ITPR1: variants seen among roughly 807,000 people sequenced by gnomAD.
The protein encoded by ITPR1 is inositol 1,4,5-trisphosphate receptor type 1.
A neutral mutation model predicts 318.4 loss-of-function variants in ITPR1; 96 were observed. The ratio of observed to expected loss-of-function variants is 0.30; its 90% confidence interval spans 0.26 to 0.36. The LOEUF (loss-of-function observed/expected upper bound fraction) is 0.36. ITPR1 is among the 10% of genes least tolerant of loss of function. The pLI, the probability that ITPR1 is intolerant of heterozygous loss-of-function variation, is 1.00. For missense variants in ITPR1, 2,440 were observed against 3,460.2 expected (o/e 0.71, Z 7.40); for synonymous variants, 1,312 against 1,289.9 (o/e 1.02, Z -0.37).
intron 33 of ITPR1, 114 bp downstream of exon 33, chr3:4,693,855 G>A: frequency 9.1e-7 from 1 of 1,093,568 alleles, no homozygotes; most frequent in Non-Finnish European, 1.3e-6. Flanking sequence ...GGCTCTGAAA[G>A]CTGCAGCTCA....
At chr3:4,783,138 G>A (rs1479188300) in intron 50 of ITPR1, among the ~76,000 whole-genome samples, 6 of 152,184 alleles carry the variant, frequency 3.9e-5, no homozygotes, top group Non-Finnish European at 8.8e-5. Context: ...AAATCTGTGG[G>A]AACTTGTCCT....
rs752768399 is a variant in ITPR1, at chr3:4,650,605, T to TTGTGTGTGTGTGTGTG, written c.856-1518_856-1517insTGTGTGTGTGTGTGTG. On this transcript the variant is annotated intron_variant, in intron 10 of 61. Transcript: ENST00000649015. Reference sequence around the variant, plus strand: ...ACATTAATCTGATTATGATATGCCTTAGTGTGTGTGTGTGTGTGTGTGTGT... The same window carrying TTGTGTGTGTGTGTGTG: ...ACATTAATCTGATTATGATATGCCTTTGTGTGTGTGTGTGTGAGTGTGTGTGTGTGTGTGTGTGTGT... Among the ~76,000 whole-genome samples the TTGTGTGTGTGTGTGTG allele has an allele frequency of 4.1e-4, 55 of 133,302 alleles. 2 individuals are homozygous for TTGTGTGTGTGTGTGTG. Among genetic ancestry groups the TTGTGTGTGTGTGTGTG allele is most frequent in the Non-Finnish European group, 5.6e-4 (35 of 62,780 alleles). 87.5% of individuals were successfully genotyped at this position (133,302 alleles called of 152,430 possible). A position where few individuals can be genotyped will look rare whatever the true frequency, so the allele number is the denominator to read the frequency against.
intron 44 of ITPR1, among the ~76,000 whole-genome samples, chr3:4,738,082 G>C (rs992028161): frequency 6.6e-6 from 1 of 152,150 alleles, no homozygotes; most frequent in Non-Finnish European, 1.5e-5. Context: ...TCGGAAGGAG[G>C]GAGAGGATGG....
At chr3:4,570,755 A>G (rs2087884445) in intron 4 of ITPR1, among the ~76,000 whole-genome samples, 2 of 152,208 alleles carry the variant, frequency 1.3e-5, no homozygotes, top group Admixed American at 1.3e-4. Flanking sequence ...TTGGGGAGCC[A>G]AGTTGTCCCC....
intron 44 of ITPR1, among the ~76,000 whole-genome samples, chr3:4,757,747 C>T (rs917047765): frequency 2.0e-5 from 3 of 152,180 alleles, no homozygotes; most frequent in Non-Finnish European, 4.4e-5. Context: ...AAGCGCTTAG[C>T]GCCCGGCAAA....
intron 60 of ITPR1, among the ~76,000 whole-genome samples, chr3:4,834,975 G>T (rs559546084): frequency 1.2e-4 from 18 of 152,234 alleles, no homozygotes; most frequent in African/African-American, 4.1e-4. Context: ...TTGTTATTAG[G>T]GTGCATGCAG....
chr3:4,668,450 T>C (rs1279838691), intron 18 of ITPR1, among the ~76,000 whole-genome samples: 1 of 152,008 alleles, frequency 6.6e-6, no homozygotes, highest in Non-Finnish European at 1.5e-5. Context: ...AATGACTGGA[T>C]CTCACTCTTT....
intron 4 of ITPR1, among the ~76,000 whole-genome samples, chr3:4,612,830 T>A (rs2092216700): frequency 6.6e-6 from 1 of 152,308 alleles, no homozygotes; most frequent in South Asian, 2.1e-4. Context: ...GAGGTTGCAG[T>A]GAGCCAAGAT....
At chr3:4,700,232 A>G (rs1055182686) in intron 35 of ITPR1, among the ~76,000 whole-genome samples, 5 of 152,166 alleles carry the variant, frequency 3.3e-5, no homozygotes, top group Non-Finnish European at 7.3e-5. Flanking sequence ...CCTAGAGATA[A>G]CATTTATAAA....
At chr3:4,611,599 A>T (rs1372607579) in intron 4 of ITPR1, among the ~76,000 whole-genome samples, 2 of 151,804 alleles carry the variant, frequency 1.3e-5, no homozygotes, top group African/African-American at 2.4e-5. Context: ...TAAATAAATT[A>T]GCAGGTGTCG....
Position 4,836,785 on chromosome 3 carries a change from T to G in ITPR1, c.8040T>G (p.Leu2680=). The change falls in exon 61 of 62, where the codon CTT becomes CTG. Residue 2680 remains leucine, a synonymous_variant. Coordinates refer to ENST00000649015, the MANE Select transcript of ITPR1 (RefSeq NM_001378452.1). ...AATGTGGATTCTAGGAAAGAAACCT[T>G]GACTGGTTCCCCAGGATGAGAGCCA... ...YVAEMIKERN[L]DWFPRMRAMS... 8.0e-6 allele frequency: 11 copies of G among 1,381,324 alleles called. No homozygotes were observed. The highest frequency in any genetic ancestry group is 1.0e-5 in the Non-Finnish European group (11 of 1,049,786). The allele number at this position is 1,381,324 out of a possible 1,614,324, so 85.6% of individuals were successfully genotyped here. A position where few individuals can be genotyped will look rare whatever the true frequency, so the allele number is the denominator to read the frequency against.
At chr3:4,655,082 G>C (rs1009028596) in intron 12 of ITPR1, among the ~76,000 whole-genome samples, 1 of 152,158 alleles carries the variant, frequency 6.6e-6, no homozygotes, top group Admixed American at 6.6e-5. Flanking sequence ...GGAACTCTGT[G>C]GTAAAACTTC....
At chr3:4,588,921 A>T (rs1399446866) in intron 4 of ITPR1, among the ~76,000 whole-genome samples, 1 of 152,084 alleles carries the variant, frequency 6.6e-6, no homozygotes, top group South Asian at 2.1e-4. Flanking sequence ...TATAGTCCCA[A>T]TTTGCCTACT....
chr3:4,780,214 A>G (rs1358853505), intron 49 of ITPR1, among the ~76,000 whole-genome samples: 1 of 152,138 alleles, frequency 6.6e-6, no homozygotes, highest in Non-Finnish European at 1.5e-5. Flanking sequence ...TCAGCACCTG[A>G]TACACCCTTA....
chr3:4,722,305 TCGC>T (rs1049819387), intron 40 of ITPR1, among the ~76,000 whole-genome samples: 3 of 152,146 alleles, frequency 2.0e-5, no homozygotes, highest in Non-Finnish European at 4.4e-5. Flanking sequence ...TCACTATGAA[TCGC>T]CTGCTGATGT....
intron 4 of ITPR1, among the ~76,000 whole-genome samples, chr3:4,558,884 C>A (rs2086399931): frequency 6.6e-6 from 1 of 151,778 alleles, no homozygotes; most frequent in African/African-American, 2.4e-5. Flanking sequence ...CCATTTGACC[C>A]CGGATACTTC....
At chr3:4,551,847 T>C (rs1371207963) in intron 4 of ITPR1, among the ~76,000 whole-genome samples, 1 of 152,252 alleles carries the variant, frequency 6.6e-6, no homozygotes, top group African/African-American at 2.4e-5. Flanking sequence ...ATCTTATTTT[T>C]TGACTACATC....
At chr3:4,682,880 A>C (rs562064703) in intron 26 of ITPR1, among the ~76,000 whole-genome samples, 1 of 152,116 alleles carries the variant, frequency 6.6e-6, no homozygotes, top group South Asian at 2.1e-4. Context: ...CATTTGATCT[A>C]GGATATGCTT....
intron 40 of ITPR1, 121 bp downstream of exon 40, chr3:4,717,520 T>C: frequency 2.4e-6 from 2 of 846,950 alleles, no homozygotes; most frequent in South Asian, 2.7e-5. Flanking sequence ...CTTTGTGTGG[T>C]GTGCCCTCTG....
Sources: gnomAD v4.1 joint callset for allele counts (sites outside exome capture counted in the v4.1 genomes callset) on GRCh38, gnomAD v4.1.1 for gene constraint, MANE v1.5 for transcripts, NCBI Gene and HGNC (gene_info 2026-07-23, HGNC 2026-07-21) for gene names.